The following BCAS1 variants were observed in gnomAD, a reference collection of about 807,000 sequenced individuals.
The protein encoded by BCAS1 is brain enriched myelin associated protein 1.
BCAS1 carries 46 observed loss-of-function variants against 65.4 expected under a neutral mutation model. The observed-to-expected ratio is 0.70, with a 90% CI of 0.55 to 0.90. The LOEUF (loss-of-function observed/expected upper bound fraction) is 0.90, where lower values mean the gene tolerates loss of function less well. BCAS1 is among the 40% of genes least tolerant of loss of function. BCAS1 has a pLI of 0.00. For missense variants in BCAS1, 793 were observed against 771.2 expected (o/e 1.03, Z -0.33); for synonymous variants, 298 against 293.5 (o/e 1.02, Z -0.16).
intron 3 of BCAS1, among the ~76,000 whole-genome samples, chr20:54,053,228 A>G (rs2092247162): frequency 1.3e-5 from 2 of 152,216 alleles, no homozygotes; most frequent in South Asian, 4.1e-4. Flanking sequence ...ATTTTTTAAT[A>G]TATTGTTACT....
At chr20:53,999,272 C>A (rs1296341045) in intron 4 of BCAS1, among the ~76,000 whole-genome samples, 2 of 152,162 alleles carry the variant, frequency 1.3e-5, no homozygotes, top group African/African-American at 2.4e-5. Flanking sequence ...GTCATCCTTA[C>A]GTCTTAAACA....
In BCAS1 at chr20:54,035,685, C is replaced by T. The variant is rs182502480; in HGVS notation, c.143-6713G>A. On this transcript the variant is annotated intron_variant, in intron 3 of 12. Coordinates refer to ENST00000688948, the MANE Select transcript of BCAS1 (RefSeq NM_001366298.2). ...ACCTAAAGATAGAAATACCATTCCA[C>T]CCAGCAATTCCATTACTGGGTACAT... 1.4e-3 allele frequency among the ~76,000 whole-genome samples: 218 copies of T among 151,284 alleles called. 5 individuals are homozygous for T. Among genetic ancestry groups the T allele is most frequent in the African/African-American group, 5.2e-3 (214 of 41,428 alleles).
intron 4 of BCAS1, among the ~76,000 whole-genome samples, chr20:53,998,794 G>A (rs1313054572): frequency 6.6e-6 from 1 of 152,018 alleles, no homozygotes; most frequent in African/African-American, 2.4e-5. Context: ...ATTTATTATA[G>A]AATAATATAC....
At chr20:54,023,693 GT>G (rs2091609708) in intron 4 of BCAS1, among the ~76,000 whole-genome samples, 2 of 152,230 alleles carry the variant, frequency 1.3e-5, no homozygotes, top group Admixed American at 6.5e-5. Context: ...GGAAAATGCA[GT>G]TGGAAAATAG....
At chr20:53,984,427 C>T (rs1047760010) in intron 8 of BCAS1, among the ~76,000 whole-genome samples, 1 of 152,140 alleles carries the variant, frequency 6.6e-6, no homozygotes, top group Non-Finnish European at 1.5e-5. Context: ...GGCAAGGGGC[C>T]CCGCATCCAG....
chr20:53,974,990 G>T (rs1474383475), intron 9 of BCAS1, among the ~76,000 whole-genome samples: 1 of 152,134 alleles, frequency 6.6e-6, no homozygotes, highest in Non-Finnish European at 1.5e-5. Flanking sequence ...CCTGCCCTGG[G>T]TACCGCCCAA....
chr20:53,955,787 G>GGGTATAAATAGAA (rs11467186), intron 11 of BCAS1, among the ~76,000 whole-genome samples: 93,292 of 151,902 alleles, frequency 0.61, 32,776 homozygotes, highest in East Asian at 0.94. Flanking sequence ...ACTCCTAGGT[G>GGGTATAAATAGAA]GGATGTTTCT....
At chr20:53,990,425 A>G (rs1196787935) in intron 7 of BCAS1, among the ~76,000 whole-genome samples, 1 of 152,216 alleles carries the variant, frequency 6.6e-6, no homozygotes, top group African/African-American at 2.4e-5. Flanking sequence ...AGACTTCCCT[A>G]CTTTTTGAAC....
chr20:53,970,047 A>G (rs1176281095), intron 9 of BCAS1, among the ~76,000 whole-genome samples: 1 of 152,150 alleles, frequency 6.6e-6, no homozygotes, highest in Non-Finnish European at 1.5e-5. Context: ...TAAGGAATAG[A>G]GTTTGCGTTC....
At chr20:53,991,197 T>C (rs1208260632) in intron 7 of BCAS1, among the ~76,000 whole-genome samples, 1 of 152,232 alleles carries the variant, frequency 6.6e-6, no homozygotes, top group Non-Finnish European at 1.5e-5. Context: ...ATGAGATCTA[T>C]GACGCGTTTC....
intron 4 of BCAS1, among the ~76,000 whole-genome samples, chr20:54,009,512 C>A (rs2091276306): frequency 6.6e-6 from 1 of 152,106 alleles, no homozygotes; most frequent in South Asian, 2.1e-4. Flanking sequence ...ACTATTATAA[C>A]TGACCCAATA....
At chr20:53,957,156 AT>A (rs2089725109) in intron 11 of BCAS1, among the ~76,000 whole-genome samples, 4 of 152,240 alleles carry the variant, frequency 2.6e-5, no homozygotes, top group Admixed American at 2.6e-4. Flanking sequence ...AAGAGGTGAC[AT>A]TTATGGCAAA....
intron 3 of BCAS1, among the ~76,000 whole-genome samples, chr20:54,044,745 T>C (rs1423700704): frequency 6.7e-6 from 1 of 150,040 alleles, no homozygotes; most frequent in Admixed American, 6.7e-5. Context: ...GGCTGAGGCA[T>C]GACAATCGCT....
intron 4 of BCAS1, among the ~76,000 whole-genome samples, chr20:54,017,465 G>A (rs974497215): frequency 6.0e-5 from 9 of 150,186 alleles, no homozygotes; most frequent in African/African-American, 1.5e-4. Context: ...GTGCGATCTC[G>A]GCTCACTGCA....
chr20:53,987,169 C>A (rs1278398891), intron 7 of BCAS1, among the ~76,000 whole-genome samples: 1 of 152,162 alleles, frequency 6.6e-6, no homozygotes, highest in African/African-American at 2.4e-5. Context: ...ATCTTCTTTG[C>A]TGAAATTTTT....
chr20:54,062,209 G>A (rs866301817), intron 1 of BCAS1, among the ~76,000 whole-genome samples: 1 of 152,130 alleles, frequency 6.6e-6, no homozygotes, highest in Non-Finnish European at 1.5e-5. Context: ...TGAGCCTACT[G>A]TGTATAAAAA....
intron 1 of BCAS1, 136 bp from the exon 2 acceptor site, chr20:54,058,859 T>C (rs1471752340): frequency 1.1e-6 from 1 of 930,868 alleles, no homozygotes; most frequent in African/African-American, 1.7e-5. Context: ...AAATTGCTTG[T>C]ATTAGTCCGT....
At chr20:53,995,636 T>C (rs73124078) in intron 5 of BCAS1, among the ~76,000 whole-genome samples, 4,839 of 152,262 alleles carry the variant, frequency 0.032, 105 homozygotes, top group Middle Eastern at 0.089. Flanking sequence ...TAGAATTCCA[T>C]TACAACACAG....
At chr20:53,954,335 G>GAGAGAGAGAGAGAC (rs1555840854) in intron 11 of BCAS1, among the ~76,000 whole-genome samples, 1 of 138,540 alleles carries the variant, frequency 7.2e-6, no homozygotes, top group African/African-American at 2.7e-5. Flanking sequence ...GAGAGAGAGA[G>GAGAGAGAGAGAGAC]GGACCAGGCA....
Sources: gnomAD v4.1 joint callset for allele counts (sites outside exome capture counted in the v4.1 genomes callset) on GRCh38, gnomAD v4.1.1 for gene constraint, MANE v1.5 for transcripts, NCBI Gene and HGNC (gene_info 2026-07-23, HGNC 2026-07-21) for gene names.